HAGH: variants seen among roughly 807,000 people sequenced by gnomAD.
HAGH encodes hydroxyacylglutathione hydrolase, also known as hydroxyacylglutathione hydrolase, mitochondrial.
Under a neutral mutation model 35.1 loss-of-function variants are expected in HAGH, and 29 were observed. The observed-to-expected ratio is 0.83, with a 90% CI of 0.62 to 1.13. HAGH has a LOEUF of 1.13. Among genes scored for constraint, HAGH ranks in the 50% most tolerant of loss-of-function variants. The pLI is 0.00. For synonymous variants in HAGH, 225 were observed against 176.1 expected (o/e 1.28, Z -2.20); for missense variants, 478 against 419.6 (o/e 1.14, Z -1.22).
At position 1,814,956 on chromosome 16, in the gene HAGH, C is replaced by CACACACAT. The variant is rs1439671207; in HGVS notation, c.747+1936_747+1937insATGTGTGT. On this transcript the variant is annotated intron_variant, in intron 7 of 8. Coordinates refer to ENST00000397356, the MANE Select transcript of HAGH (RefSeq NM_005326.6). The stretch of plus-strand genomic sequence containing the variant: ...ACACACACACACACACACACACACA[C>CACACACAT]ATATATATATATATCTCACAAAGAC... Among the ~76,000 whole-genome samples, 241 of 126,512 alleles carry CACACACAT rather than the reference C, an allele frequency of 1.9e-3. 6 individuals carry two copies. In the East Asian group the frequency reaches 0.028, roughly 15 times the overall value. 83.0% of individuals were successfully genotyped at this position (126,512 alleles called of 152,430 possible). A position where few individuals can be genotyped will look rare whatever the true frequency, so the allele number is the denominator to read the frequency against.
At position 1,808,182 on chromosome 16, in the gene HAGH, A is replaced by G. The variant is rs1025702374; in HGVS notation, c.*1101T>C. 3 of 152,254 alleles carry G rather than the reference A, an allele frequency of 2.0e-5. No homozygotes were observed. The highest frequency in any genetic ancestry group is 4.4e-5 in the Non-Finnish European group (3 of 68,078). The allele number at this position is 152,254 out of a possible 1,614,324, so 9.4% of individuals were successfully genotyped here. Reference sequence around the variant, plus strand: ...GAATGCAGTGGCACAAGCAATGCTCACTGCAGCCTTGGACTCCCGGGCTCA... The same window carrying G: ...GAATGCAGTGGCACAAGCAATGCTCGCTGCAGCCTTGGACTCCCGGGCTCA... On this transcript the variant is annotated 3_prime_UTR_variant, in exon 9 of 9. Transcript: ENST00000397356.
chr16:1,827,191 A>C, upstream of HAGH: 1 of 1,565,202 alleles, frequency 6.4e-7, no homozygotes, highest in Non-Finnish European at 8.7e-7. Context: ...CGTAGGCATC[A>C]GCTGACCGGC....
chr16:1,809,527 T>C (rs1897541033), intron 8 of HAGH, 145 bp from the exon 9 acceptor site: 1 of 686,672 alleles, frequency 1.5e-6, no homozygotes, highest in Non-Finnish European at 2.5e-6. Flanking sequence ...CCACTCCCCT[T>C]CTGACAGGTT....
At chr16:1,811,660 G>A (rs1379318454) in intron 7 of HAGH, among the ~76,000 whole-genome samples, 3 of 151,688 alleles carry the variant, frequency 2.0e-5, no homozygotes, top group Admixed American at 2.0e-4. Flanking sequence ...CTGCAGTAGT[G>A]AGCCGAGATC....
chr16:1,819,109 A>G lies in HAGH; in HGVS notation c.541+6T>C. ...CCCCCGCCCCCACCCACACTCGAAC[A>G]CGCACCTGTGAACACGGCAGGGGGC... On this transcript the variant is annotated splice_donor_region_variant and intron_variant, in intron 5 of 8. Coordinates refer to ENST00000397356, the MANE Select transcript of HAGH (RefSeq NM_005326.6). 6.3e-7 allele frequency: 1 copy of G among 1,575,384 alleles called. No individual in the cohort carries two copies. Among genetic ancestry groups the G allele is most frequent in the Non-Finnish European group, 8.7e-7 (1 of 1,145,552 alleles).
chr16:1,824,323 C>A (rs1017156116), intron 1 of HAGH, among the ~76,000 whole-genome samples: 99 of 138,980 alleles, frequency 7.1e-4, no homozygotes, highest in Non-Finnish European at 1.1e-3. Context: ...TTGGCCACAA[C>A]TGCCCCCAGA....
Position 1,816,865 on chromosome 16 carries a change from G to A in HAGH, c.747+28C>T, listed in dbSNP as rs555247480. 7.8e-6 allele frequency: 11 copies of A among 1,416,064 alleles called. No homozygotes were observed. The South Asian group carries it at 1.3e-4, about 16-fold the overall frequency. 87.7% of individuals were successfully genotyped at this position (1,416,064 alleles called of 1,614,324 possible). A position where few individuals can be genotyped will look rare whatever the true frequency, so the allele number is the denominator to read the frequency against. On this transcript the variant is annotated intron_variant, in intron 7 of 8. Transcript: ENST00000397356. ...AGCGGCCCTGAGCAGCCCACAGGAAGGCACTGCGCAGTGACGGCCCCACTC... is the reference window on the plus strand; with the variant it reads ...AGCGGCCCTGAGCAGCCCACAGGAAAGCACTGCGCAGTGACGGCCCCACTC...
intron 7 of HAGH, 32 bp from the exon 8 acceptor site, chr16:1,809,865 A>T (rs1030976731): frequency 1.3e-6 from 2 of 1,543,046 alleles, no homozygotes; most frequent in Admixed American, 3.3e-5. Flanking sequence ...TTATCACGGG[A>T]ACTTCACAGG....
Position 1,809,817 on chromosome 16 carries a change from C to T in HAGH, c.764G>A (p.Gly255Glu), listed in dbSNP as rs1292383997. 1 of 1,613,442 alleles carries T rather than the reference C, an allele frequency of 6.2e-7. No individual in the cohort carries two copies. The highest frequency in any genetic ancestry group is 1.3e-5 in the African/African-American group (1 of 74,904). The change falls in exon 8 of 9, where the codon GGG (glycine) becomes GAG (glutamate). Residue 255 changes from glycine to glutamate, a missense_variant. Physicochemically the swap from Gly to Glu is moderately conservative, Grantham distance 98. Transcript: ENST00000397356. ...CAGGGTGGATGGCACTGTGGGCTCC[C>T]CGATGCTGTACTTCTCCTGCAAGAG... ...LAWAKEKYSI[G>E]EPTVPSTLAE...
At chr16:1,815,756 C>T (rs976885132) in intron 7 of HAGH, among the ~76,000 whole-genome samples, 2 of 152,048 alleles carry the variant, frequency 1.3e-5, no homozygotes, top group Admixed American at 6.6e-5. Context: ...ACGTGGCTCA[C>T]GCCTGTAATC....
rs746524023 is a variant in HAGH at position 1,809,780 on chromosome 16, A to G, written c.801T>C (p.Phe267=). Reference sequence around the variant, plus strand: ...TCACTCTCATGAAGGGGTTGTAGGTAAACTCCTCTGCCAGGGTGGATGGCA... The same window carrying G: ...TCACTCTCATGAAGGGGTTGTAGGTGAACTCCTCTGCCAGGGTGGATGGCA... ...PTVPSTLAEE[F]TYNPFMRVRE... Residue 267 remains phenylalanine (F), a synonymous_variant, in exon 8 of 9, where the codon TTT becomes TTC. Coordinates refer to ENST00000397356, the MANE Select transcript of HAGH (RefSeq NM_005326.6). The G allele has an allele frequency of 6.2e-7, 1 of 1,613,744 alleles. No individual in the cohort carries two copies. The highest frequency in any genetic ancestry group is 8.5e-7 in the Non-Finnish European group (1 of 1,179,652).
chr16:1,816,359 C>A (rs758485903), intron 7 of HAGH, among the ~76,000 whole-genome samples: 1 of 151,882 alleles, frequency 6.6e-6, no homozygotes, highest in African/African-American at 2.4e-5. Context: ...TTAAAACAAC[C>A]CTGTCAGAGG....
chr16:1,825,853 C>T (rs181135732), intron 1 of HAGH, among the ~76,000 whole-genome samples: 69 of 152,340 alleles, frequency 4.5e-4, no homozygotes, highest in South Asian at 1.2e-3. Flanking sequence ...GGATGACAGG[C>T]GTGCGTCACT....
intron 1 of HAGH, among the ~76,000 whole-genome samples, chr16:1,826,338 C>T (rs949234145): frequency 6.7e-6 from 1 of 150,334 alleles, no homozygotes; most frequent in Non-Finnish European, 1.5e-5. Context: ...GCAGCAGGTG[C>T]GGGGTGGGCC....
In HAGH at chr16:1,816,950, A is replaced by C. The variant is rs751437372; in HGVS notation, c.690T>G (p.Phe230Leu). The part of the protein sequence containing the change: ...GHEYTINNLK[F>L]ARHVEPGNAA... ...CATTGCCGGGCTCCACGTGGCGTGC[A>C]AACTTGAGGTTGTTGATGGTGTACT... The change falls in exon 7 of 9, where the codon TTT (phenylalanine) becomes TTG (leucine). Residue 230 changes from phenylalanine (F) to leucine (L), a missense_variant. Coordinates refer to ENST00000397356, the MANE Select transcript of HAGH (RefSeq NM_005326.6). 6.2e-7 allele frequency: 1 copy of C among 1,613,948 alleles called. No individual in the cohort carries two copies. Among genetic ancestry groups the C allele is most frequent in the Non-Finnish European group, 8.5e-7 (1 of 1,179,864 alleles).
At chr16:1,815,215 C>G (rs549751729) in intron 7 of HAGH, among the ~76,000 whole-genome samples, 18 of 152,248 alleles carry the variant, frequency 1.2e-4, no homozygotes, top group Non-Finnish European at 1.9e-4. Context: ...AGTGCTGGCA[C>G]AGCATGGAGG....
rs146440574 is a variant in HAGH at position 1,819,939 on chromosome 16, G to C, written c.390C>G (p.Ile130Met). ...GAGTGATCTTGTGAGTCAGGGCCCC[G>C]ATACGGTCGTCACCCCCGTACACCT... is the stretch of plus-strand genomic sequence containing the variant. ...GLKVYGGDDRIGALTHKITHL... is the reference protein window; with the variant it reads ...GLKVYGGDDRMGALTHKITHL... The change falls in exon 4 of 9, where the codon ATC (isoleucine) becomes ATG (methionine). Residue 130 changes from isoleucine (I) to methionine (M), a missense_variant. Physicochemically the swap from Ile to Met is conservative, Grantham distance 10. Coordinates refer to ENST00000397356, the MANE Select transcript of HAGH (RefSeq NM_005326.6). 4.8e-5 allele frequency: 77 copies of C among 1,612,816 alleles called. No homozygotes were observed. The highest frequency in any genetic ancestry group is 6.2e-5 in the Non-Finnish European group (73 of 1,179,190).
intron 5 of HAGH, among the ~76,000 whole-genome samples, chr16:1,817,560 A>T (rs759877410): frequency 1.3e-5 from 2 of 151,922 alleles, no homozygotes; most frequent in African/African-American, 2.4e-5. Context: ...GACCCTCACA[A>T]ATCCAGCCCT....
chr16:1,809,444 C>T (rs1184647516), intron 8 of HAGH, 62 bp from the exon 9 acceptor site: 4 of 1,366,946 alleles, frequency 2.9e-6, no homozygotes, highest in Non-Finnish European at 4.1e-6. Flanking sequence ...GGAGCCAGGG[C>T]CACTGCAGAG....
Sources: gnomAD v4.1 joint callset for allele counts (sites outside exome capture counted in the v4.1 genomes callset) on GRCh38, gnomAD v4.1.1 for gene constraint, MANE v1.5 for transcripts, NCBI Gene and HGNC (gene_info 2026-07-23, HGNC 2026-07-21) for gene names.